Variants in MORN1 observed in about 807,000 individuals in gnomAD.
MORN1 encodes the protein MORN repeat containing 1.
In MORN1, 67 loss-of-function variants were observed where a neutral mutation model predicts 61.9. The ratio of observed to expected loss-of-function variants is 1.08; its 90% confidence interval spans 0.89 to 1.33. The LOEUF is 1.33. Among genes scored for constraint, MORN1 ranks in the 40% most tolerant of loss-of-function variants. The pLI, the probability that MORN1 is intolerant of heterozygous loss-of-function variation, is 0.00. For synonymous variants in MORN1, 301 were observed against 292.0 expected, an observed-to-expected ratio of 1.03 and a Z score of -0.31; for missense variants, 752 against 691.2, an observed-to-expected ratio of 1.09 and a Z score of -0.99.
rs1210768136 is a variant in MORN1 at position 2,337,704 on chromosome 1, G to T, written c.1037-854C>A. Among the ~76,000 whole-genome samples the T allele has an allele frequency of 6.6e-6, 1 of 152,224 alleles. No homozygotes were observed. Among genetic ancestry groups the T allele is most frequent in the Non-Finnish European group, 1.5e-5 (1 of 68,030 alleles). Reference sequence around the variant, plus strand: ...AGCTCGGAGCTGTCCTGACACCGCTGCCCCGAGGGCCCCCCACTTGCACAC... The same window carrying T: ...AGCTCGGAGCTGTCCTGACACCGCTTCCCCGAGGGCCCCCCACTTGCACAC... On this transcript the variant is annotated intron_variant, in intron 10 of 13. Transcript: ENST00000378531. The surrounding 1 kb of genome is among the most constrained non-coding windows in gnomAD (Gnocchi z 5.7).
intron 10 of MORN1, among the ~76,000 whole-genome samples, chr1:2,338,833 G>C (rs1156463269): frequency 6.6e-6 from 1 of 152,188 alleles, no homozygotes; most frequent in Non-Finnish European, 1.5e-5. Flanking sequence ...CTTCAGGCAG[G>C]TTCTCACGAC....
intron 12 of MORN1, among the ~76,000 whole-genome samples, chr1:2,330,727 G>T (rs997237379): frequency 1.3e-5 from 2 of 152,210 alleles, no homozygotes; most frequent in Non-Finnish European, 2.9e-5. Flanking sequence ...CAAGGTCGCC[G>T]CGCACACCCG....
intron 6 of MORN1, chr1:2,378,516 C>T (rs1402460250): frequency 5.6e-6 from 1 of 179,916 alleles, no homozygotes; most frequent in East Asian, 1.5e-4. Flanking sequence ...CTGCGGCAGG[C>T]AAAGCCGCCC....
At chr1:2,388,590 C>CG in intron 2 of MORN1, 28 of 434,594 alleles carry the variant, frequency 6.4e-5, no homozygotes, top group East Asian at 1.3e-4. Flanking sequence ...CCAGCCTGAG[C>CG]AACACGGAGA....
rs193009409 is a variant in MORN1 at position 2,348,157 on chromosome 1, C to T, written c.1036+9275G>A. Among the ~76,000 whole-genome samples the T allele has an allele frequency of 3.9e-5, 6 of 152,380 alleles. 1 individual carries two copies. Among genetic ancestry groups the T allele is most frequent in the African/African-American group, 1.4e-4 (6 of 41,600 alleles). ...GGAACATTCCCGGGCCTTTCCCTGA[C>T]TGCCATGGTCCTGGCGTCTTCGAAG... is the stretch of plus-strand genomic sequence containing the variant. On this transcript the variant is annotated intron_variant, in intron 10 of 13. Coordinates refer to ENST00000378531, the MANE Select transcript of MORN1 (RefSeq NM_024848.3).
intron 10 of MORN1, among the ~76,000 whole-genome samples, chr1:2,339,045 C>T (rs982869485): frequency 3.3e-5 from 5 of 152,160 alleles, no homozygotes; most frequent in Admixed American, 2.0e-4. Flanking sequence ...CGTGGGGTCC[C>T]CTGGAGGTGC....
At chr1:2,325,196 C>CCTCCCT (rs1640996302) in intron 12 of MORN1, among the ~76,000 whole-genome samples, 4 of 19,152 alleles carry the variant, frequency 2.1e-4, no homozygotes, top group East Asian at 9.9e-4. Flanking sequence ...CCTTCACTTC[C>CCTCCCT]TTCTTTTTTT....
chr1:2,380,749 T>A (rs1369336127), intron 6 of MORN1, among the ~76,000 whole-genome samples: 1 of 151,964 alleles, frequency 6.6e-6, no homozygotes, highest in Non-Finnish European at 1.5e-5. Flanking sequence ...AGAGACAGGG[T>A]CTCCCTGTGT....
intron 10 of MORN1, among the ~76,000 whole-genome samples, chr1:2,342,141 G>T (rs1164739474): frequency 5.9e-5 from 9 of 152,282 alleles, no homozygotes; most frequent in Non-Finnish European, 1.3e-4. Context: ...GACCTCGGGG[G>T]CCTCGGGAAC....
rs10910061 is a variant in MORN1, at chr1:2,372,073, G to A, written c.745+408C>T. The stretch of plus-strand genomic sequence containing the variant: ...AGCCCAAGGTACAAACAACTGCGAT[G>A]GCCAGCAGCGGATGAGTGGGGAAGC... On this transcript the variant is annotated intron_variant, in intron 8 of 13. Transcript: ENST00000378531. The surrounding 1 kb of genome is among the most constrained non-coding windows in gnomAD (Gnocchi z 5.4). The A allele has an allele frequency of 0.06, 13,279 of 220,966 alleles. 1,174 individuals carry two copies. Among genetic ancestry groups the A allele is most frequent in the African/African-American group, 0.22 (9,599 of 43,518 alleles). 13.7% of individuals were successfully genotyped at this position (220,966 alleles called of 1,614,324 possible).
intron 13 of MORN1, 152 bp downstream of exon 13, chr1:2,323,945 G>A: frequency 7.0e-7 from 1 of 1,423,840 alleles, no homozygotes; most frequent in Admixed American, 2.8e-5. Context: ...TCCCTGGGAG[G>A]GCCTGGCTGC....
chr1:2,349,204 G>A lies in MORN1; in HGVS notation c.1036+8228C>T, dbSNP rs936150383. On this transcript the variant is annotated intron_variant, in intron 10 of 13. Transcript: ENST00000378531. ...CAGGCGGGAAGGGGAGGGAAGAACA[G>A]GAAAGAACCTCAGAGAAGAGAAAAG... 9.8e-5 allele frequency among the ~76,000 whole-genome samples: 15 copies of A among 152,328 alleles called. No individual in the cohort carries two copies. In the East Asian group the frequency reaches 2.3e-3, roughly 24 times the overall value.
chr1:2,323,508 C>T (rs977553996), intron 13 of MORN1: 2 of 985,418 alleles, frequency 2.0e-6, no homozygotes, highest in Non-Finnish European at 2.4e-6. Flanking sequence ...CTTTGTGTAG[C>T]TGAGGTGCCC....
At position 2,391,526 on chromosome 1, in the gene MORN1, G is replaced by A. The variant is rs1412653061; in HGVS notation, c.8C>T (p.Ala3Val). 2.4e-6 allele frequency: 3 copies of A among 1,251,326 alleles called. No homozygotes were observed. Among genetic ancestry groups the A allele is most frequent in the South Asian group, 7.0e-5 (2 of 28,556 alleles). The allele number at this position is 1,251,326 out of a possible 1,614,324, so 77.5% of individuals were successfully genotyped here. A position where few individuals can be genotyped will look rare whatever the true frequency, so the allele number is the denominator to read the frequency against. Residue 3 changes from alanine to valine, a missense_variant, in exon 1 of 14, where the codon GCG (alanine) becomes GTG (valine). By Grantham distance (64) the Ala-to-Val change is moderately conservative (BLOSUM62 0). Transcript: ENST00000378531. ...GGAGCTCGGGGTGCCCTCGCCCGCC[G>A]CTGCCATCTTGCCGCCGAGGGTTCT... is the stretch of plus-strand genomic sequence containing the variant. Reference protein sequence around the residue: MAAAGEGTPSSRG... With the variant: MAVAGEGTPSSRG...
intron 13 of MORN1, chr1:2,323,163 T>C (rs990627405): frequency 2.0e-6 from 2 of 985,244 alleles, no homozygotes; most frequent in Non-Finnish European, 2.4e-6. Context: ...CGGTTGATGG[T>C]GTGAGGGCTG....
chr1:2,340,061 G>A (rs538478768), intron 10 of MORN1, among the ~76,000 whole-genome samples: 1 of 152,322 alleles, frequency 6.6e-6, no homozygotes, highest in South Asian at 2.1e-4. Flanking sequence ...GGTGGCCCTG[G>A]CCTGAGCCCC....
intron 1 of MORN1, 126 bp from the exon 2 acceptor site, chr1:2,390,122 A>G: frequency 1.2e-6 from 1 of 834,414 alleles, no homozygotes; most frequent in Non-Finnish European, 2.0e-6. Context: ...CACCTTCAGC[A>G]GACCAGAGGC....
chr1:2,385,107 C>G, intron 5 of MORN1, 42 bp from the exon 6 acceptor site: 1 of 1,548,462 alleles, frequency 6.5e-7, no homozygotes, highest in Non-Finnish European at 8.7e-7. Flanking sequence ...ACAGGGGGAG[C>G]CGGGTGGTGG....
At chr1:2,378,402 T>C (rs544208042) in intron 6 of MORN1, 6 of 158,970 alleles carry the variant, frequency 3.8e-5, no homozygotes, top group African/African-American at 1.2e-4. Flanking sequence ...CTGTGACCCC[T>C]GGGTCCAAGG....
Sources: allele counts gnomAD v4.1 joint callset (sites outside exome capture counted in the v4.1 genomes callset), GRCh38; gene constraint gnomAD v4.1.1; non-coding constraint Gnocchi (gnomAD v3.1); transcripts MANE v1.5; gene names NCBI Gene and HGNC (gene_info 2026-07-23, HGNC 2026-07-21).